Variants in PHLDA1 observed in about 807,000 individuals in gnomAD.
PHLDA1 encodes the protein pleckstrin homology-like domain family A member 1.
A neutral mutation model predicts 33.8 loss-of-function variants in PHLDA1; 28 were observed. The observed-to-expected ratio is 0.83, with a 90% CI of 0.61 to 1.14. The LOEUF (loss-of-function observed/expected upper bound fraction) is 1.14, where lower values mean the gene tolerates loss of function less well. PHLDA1 is among the 50% of genes most tolerant of loss of function. PHLDA1 has a pLI of 0.00. For synonymous variants in PHLDA1, 271 were observed against 243.6 expected, an observed-to-expected ratio of 1.11 and a Z score of -1.05; for missense variants, 595 against 548.6, an observed-to-expected ratio of 1.08 and a Z score of -0.84.
chr12:76,030,724 G>T, exon 1 of PHLDA1: 1 of 1,193,730 alleles, frequency 8.4e-7, no homozygotes, highest in Non-Finnish European at 1.2e-6. Context: ...GGCTTGGGTT[G>T]GGGCTGAGGC....
At chr12:76,028,364 T>C (rs1405676690) in exon 2 of PHLDA1, 2 of 152,216 alleles carry the variant, frequency 1.3e-5, no homozygotes, top group African/African-American at 4.8e-5. Flanking sequence ...CCACTTAAGT[T>C]TTGTTTGCCA....
Position 76,031,723 on chromosome 12 carries a change from C to A in PHLDA1, c.19G>T (p.Ala7Ser). Residue 7 changes from alanine to serine, a missense_variant, in exon 1 of 2, where the codon GCC becomes TCC. Ala to Ser is a moderately conservative substitution (Grantham distance 99). Coordinates refer to ENST00000266671, the Ensembl canonical transcript of PHLDA1. The surrounding 1 kb of genome is among the most constrained non-coding windows in gnomAD (Gnocchi z 5.4). ...AAGCCCAGCTCCAAGAGGCGCTCGG[C>A]AGCCGGCGCACGCCTCATTAACTTG... The A allele has an allele frequency of 7.2e-7, 1 of 1,393,160 alleles. No individual in the cohort carries two copies. Among genetic ancestry groups the A allele is most frequent in the Non-Finnish European group, 9.3e-7 (1 of 1,070,186 alleles). The allele number at this position is 1,393,160 out of a possible 1,614,324, so 86.3% of individuals were successfully genotyped here.
chr12:76,029,456 T>C (rs954123064), exon 2 of PHLDA1: 6 of 152,268 alleles, frequency 3.9e-5, no homozygotes, highest in Non-Finnish European at 7.3e-5. Flanking sequence ...TTTTAGAAAC[T>C]ATCTTGAGTG....
In PHLDA1 at chr12:76,031,722, G is replaced by A. The variant is rs1304695262; in HGVS notation, c.20C>T (p.Ala7Val). 1.4e-6 allele frequency: 2 copies of A among 1,392,322 alleles called. No homozygotes were observed. The highest frequency in any genetic ancestry group is 1.9e-6 in the Non-Finnish European group (2 of 1,069,706). 86.2% of individuals were successfully genotyped at this position (1,392,322 alleles called of 1,614,324 possible). A position where few individuals can be genotyped will look rare whatever the true frequency, so the allele number is the denominator to read the frequency against. ...AAAGCCCAGCTCCAAGAGGCGCTCG[G>A]CAGCCGGCGCACGCCTCATTAACTT... Residue 7 changes from alanine to valine, a missense_variant, in exon 1 of 2, where the codon GCC (alanine) becomes GTC (valine). Ala to Val is a moderately conservative substitution (Grantham distance 64). This residue lies in a region of PHLDA1 where 263 missense variants were observed against 232.3 expected (regional missense o/e 1.13). Transcript: ENST00000266671. This position sits in a 1 kb window ranked among gnomAD's most constrained non-coding sequence, Gnocchi z 5.4.
chr12:76,031,319 C>G lies in PHLDA1; in HGVS notation c.423G>C (p.Arg141Ser). Residue 141 changes from arginine to serine, a missense_variant, in exon 1 of 2, where the codon AGG becomes AGC. Arg to Ser is a moderately radical substitution (Grantham distance 110, BLOSUM62 -1). Coordinates refer to ENST00000266671, the Ensembl canonical transcript of PHLDA1. The surrounding 1 kb of genome is among the most constrained non-coding windows in gnomAD (Gnocchi z 5.4). ...CTTTGCAGCCGCTACTCTCCAGCAT[C>G]CTCCCAGCATAAGAGGGGCCGCCGC... 1 of 1,613,444 alleles carries G rather than the reference C, an allele frequency of 6.2e-7. No individual in the cohort carries two copies. The highest frequency in any genetic ancestry group is 8.5e-7 in the Non-Finnish European group (1 of 1,179,846).
At chr12:76,029,187 T>C (rs1261840032) in exon 2 of PHLDA1, 1 of 152,132 alleles carries the variant, frequency 6.6e-6, no homozygotes, top group African/African-American at 2.4e-5. Context: ...TGGACAGGAG[T>C]ACAAATATTC....
chr12:76,030,392 C>T, intron 1 of PHLDA1, 118 bp downstream of exon 1: 1 of 754,778 alleles, frequency 1.3e-6, no homozygotes, highest in Non-Finnish European at 2.2e-6. Flanking sequence ...GCCCCAGAAA[C>T]TTGGTATGAG....
chr12:76,031,336 G>A lies in PHLDA1; in HGVS notation c.406C>T (p.Pro136Ser). Reference sequence around the variant, plus strand: ...TCCAGCATCCTCCCAGCATAAGAGGGGCCGCCGCTTGGCTCGGCCTCTCCG... The same window carrying A: ...TCCAGCATCCTCCCAGCATAAGAGGAGCCGCCGCTTGGCTCGGCCTCTCCG... The change falls in exon 1 of 2, where the codon CCC (proline) becomes TCC (serine). Residue 136 changes from proline to serine, a missense_variant. This residue lies in a region of PHLDA1 where 263 missense variants were observed against 232.3 expected (regional missense o/e 1.13). Coordinates refer to ENST00000266671, the Ensembl canonical transcript of PHLDA1. This position sits in a 1 kb window ranked among gnomAD's most constrained non-coding sequence, Gnocchi z 5.4. 3.1e-6 allele frequency: 5 copies of A among 1,612,572 alleles called. No individual in the cohort carries two copies. The highest frequency in any genetic ancestry group is 4.2e-6 in the Non-Finnish European group (5 of 1,179,630).
Position 76,031,049 on chromosome 12 carries a change from T to C in PHLDA1, c.693A>G (p.Glu231=). Residue 231 remains glutamate (E), a synonymous_variant, in exon 1 of 2, where the codon GAA becomes GAG. Transcript: ENST00000266671. The surrounding 1 kb of genome is among the most constrained non-coding windows in gnomAD (Gnocchi z 5.4). Reference sequence around the variant, plus strand: ...CGGTCTTCATGTTGGAGAAGTGCAGTTCCTTGAGCTTGACCGGCGGCTCGA... The same window carrying C: ...CGGTCTTCATGTTGGAGAAGTGCAGCTCCTTGAGCTTGACCGGCGGCTCGA... 1 of 1,611,154 alleles carries C rather than the reference T, an allele frequency of 6.2e-7. No individual in the cohort carries two copies.
chr12:76,029,227 T>G (rs910535621), exon 2 of PHLDA1: 1 of 152,210 alleles, frequency 6.6e-6, no homozygotes, highest in African/African-American at 2.4e-5. Context: ...ACTCTTTTCC[T>G]CCACAACATT....
chr12:76,031,208 C>T lies in PHLDA1; in HGVS notation c.534G>A (p.Gly178=). ...GCTGCTTGGGCGGGATAAGCAGCAGCCCTTCCTCGGTGAGGATGCAACACT... is the reference window on the plus strand; with the variant it reads ...GCTGCTTGGGCGGGATAAGCAGCAGTCCTTCCTCGGTGAGGATGCAACACT... Residue 178 remains glycine, a synonymous_variant, in exon 1 of 2, where the codon GGG becomes GGA. Transcript: ENST00000266671. The surrounding 1 kb of genome is among the most constrained non-coding windows in gnomAD (Gnocchi z 5.4). The T allele has an allele frequency of 1.9e-6, 3 of 1,613,464 alleles. No individual in the cohort carries two copies. Among genetic ancestry groups the T allele is most frequent in the Non-Finnish European group, 2.5e-6 (3 of 1,179,860 alleles).
rs1870920190 is a variant in PHLDA1, at chr12:76,031,745, C to T, written c.-4G>A. On this transcript the variant is annotated 5_prime_UTR_variant, in exon 1 of 2. Transcript: ENST00000266671. The surrounding 1 kb of genome is among the most constrained non-coding windows in gnomAD (Gnocchi z 5.4). ...CGGCAGCCGGCGCACGCCTCATTAA[C>T]TTGGGGCCTTTCCAAAGCCCGCTGC... is the stretch of plus-strand genomic sequence containing the variant. The T allele has an allele frequency of 1.5e-6, 2 of 1,365,064 alleles. No individual in the cohort carries two copies. Among genetic ancestry groups the T allele is most frequent in the Non-Finnish European group, 1.9e-6 (2 of 1,055,404 alleles). The allele number at this position is 1,365,064 out of a possible 1,614,324, so 84.6% of individuals were successfully genotyped here.
At position 76,031,387 on chromosome 12, in the gene PHLDA1, G is replaced by A. The variant is rs775346830; in HGVS notation, c.355C>T (p.Leu119=). 4 of 1,601,872 alleles carry A rather than the reference G, an allele frequency of 2.5e-6. No individual in the cohort carries two copies. Among genetic ancestry groups the A allele is most frequent in the African/African-American group, 2.7e-5 (2 of 74,698 alleles). Residue 119 remains leucine, a synonymous_variant, in exon 1 of 2, where the codon CTG becomes TTG. Coordinates refer to ENST00000266671, the Ensembl canonical transcript of PHLDA1. The surrounding 1 kb of genome is among the most constrained non-coding windows in gnomAD (Gnocchi z 5.4). ...TTTCCAGCCGCGCGGGCCGGGGGCA[G>A]CAGCAGCAGCCTCGCGCCGTCCTCG...
At chr12:76,029,685 T>A (rs1283027212) in exon 2 of PHLDA1, 1 of 152,666 alleles carries the variant, frequency 6.6e-6, no homozygotes, top group Non-Finnish European at 1.5e-5. Context: ...CGCCCTTTTT[T>A]ATTCTCCAAG....
At chr12:76,030,598 G>A (rs866039934) in exon 1 of PHLDA1, 1 of 1,610,822 alleles carries the variant, frequency 6.2e-7, no homozygotes, top group South Asian at 1.1e-5. Flanking sequence ...TGCGGCTGTG[G>A]GTGTGGGTGC....
rs769300919 is a variant in PHLDA1 at position 76,031,602 on chromosome 12, C to G, written c.140G>C (p.Arg47Pro). 2 of 1,573,168 alleles carry G rather than the reference C, an allele frequency of 1.3e-6. No individual in the cohort carries two copies. The highest frequency in any genetic ancestry group is 4.8e-5 in the East Asian group (2 of 41,410). The change falls in exon 1 of 2, where the codon CGG becomes CCG. Residue 47 changes from arginine (R) to proline (P), a missense_variant. Arg to Pro is a moderately radical substitution (Grantham distance 103). Coordinates refer to ENST00000266671, the Ensembl canonical transcript of PHLDA1. This position sits in a 1 kb window ranked among gnomAD's most constrained non-coding sequence, Gnocchi z 5.4. ...CGAGCGCTCACTGAAGGGCACTGGC[C>G]GGGCCCCCTCGCGGCGCTTTTGAAT...
Position 76,031,591 on chromosome 12 carries a change from A to T in PHLDA1, c.151T>A (p.Phe51Ile). 1 of 1,578,678 alleles carries T rather than the reference A, an allele frequency of 6.3e-7. No individual in the cohort carries two copies. Among genetic ancestry groups the T allele is most frequent in the Non-Finnish European group, 8.6e-7 (1 of 1,165,046 alleles). ...CCGTCCTCTTGCGAGCGCTCACTGA[A>T]GGGCACTGGCCGGGCCCCCTCGCGG... The change falls in exon 1 of 2, where the codon TTC becomes ATC. Residue 51 changes from phenylalanine (F) to isoleucine (I), a missense_variant. This residue lies in a region of PHLDA1 where 263 missense variants were observed against 232.3 expected (regional missense o/e 1.13). Transcript: ENST00000266671. This position sits in a 1 kb window ranked among gnomAD's most constrained non-coding sequence, Gnocchi z 5.4.
At chr12:76,027,881 C>T (rs985099088) in exon 2 of PHLDA1, 1 of 151,434 alleles carries the variant, frequency 6.6e-6, no homozygotes, top group Admixed American at 6.6e-5. Flanking sequence ...TCTTTTTAAG[C>T]AATGAAATTA....
In PHLDA1 at chr12:76,031,521, C is replaced by T. The variant is rs189197382; in HGVS notation, c.221G>A (p.Arg74Lys). Residue 74 changes from arginine to lysine, a missense_variant, in exon 1 of 2, where the codon AGG becomes AAG. Physicochemically the swap from Arg to Lys is conservative, Grantham distance 26. Around this residue, in one of 3 missense-constraint regions of PHLDA1, gnomAD observed 263 missense variants for 232.3 expected, o/e 1.13. Transcript: ENST00000266671. The surrounding 1 kb of genome is among the most constrained non-coding windows in gnomAD (Gnocchi z 5.4). ...GTCCCGGCAGAGGGACAGCCGCGTC[C>T]TGATGCGCCACAAGGTCCCGGAGCT... is the stretch of plus-strand genomic sequence containing the variant. The T allele has an allele frequency of 6.4e-4, 973 of 1,526,668 alleles. 8 individuals are homozygous for T. In the African/African-American group the frequency reaches 0.012, roughly 19 times the overall value. 94.6% of individuals were successfully genotyped at this position (1,526,668 alleles called of 1,614,324 possible). A position where few individuals can be genotyped will look rare whatever the true frequency, so the allele number is the denominator to read the frequency against.
Sources: allele counts gnomAD v4.1 joint callset, GRCh38; gene constraint gnomAD v4.1.1; regional missense constraint gnomAD v4.1.1; non-coding constraint Gnocchi (gnomAD v3.1); transcripts MANE v1.5; gene names NCBI Gene and HGNC (gene_info 2026-07-23, HGNC 2026-07-21).